The following LMBRD1 variants were observed in gnomAD, a reference collection of about 807,000 sequenced individuals.
The protein encoded by LMBRD1 is lysosomal cobalamin transport escort protein LMBD1.
In LMBRD1, 64 loss-of-function variants were observed where a neutral mutation model predicts 74.8. The ratio of observed to expected loss-of-function variants is 0.86; its 90% CI spans 0.70 to 1.05. LMBRD1 has a LOEUF of 1.05. LMBRD1 is among the 50% of genes least tolerant of loss of function. The pLI, the probability that LMBRD1 is intolerant of heterozygous loss-of-function variation, is 0.00. For missense variants in LMBRD1, 652 were observed against 645.9 expected, an observed-to-expected ratio of 1.01 and a Z score of -0.10; for synonymous variants, 204 against 216.3, an observed-to-expected ratio of 0.94 and a Z score of 0.50.
intron 2 of LMBRD1, among the ~76,000 whole-genome samples, chr6:69,788,516 A>G (rs1169228383): frequency 6.6e-6 from 1 of 152,206 alleles, no homozygotes; most frequent in Non-Finnish European, 1.5e-5. Flanking sequence ...AAAAGAAATT[A>G]AACATTTTTA....
At chr6:69,694,266 T>C (rs1272859701) in intron 14 of LMBRD1, among the ~76,000 whole-genome samples, 1 of 152,166 alleles carries the variant, frequency 6.6e-6, no homozygotes, top group East Asian at 1.9e-4. Context: ...AATGTTTCAA[T>C]ACTATTGTAA....
At chr6:69,767,613 A>G (rs2149886007) in intron 3 of LMBRD1, among the ~76,000 whole-genome samples, 1 of 151,980 alleles carries the variant, frequency 6.6e-6, no homozygotes, top group South Asian at 2.1e-4. Flanking sequence ...TTTATAACCT[A>G]TCATATAGTC....
chr6:69,697,835 A>G (rs556191671), intron 13 of LMBRD1, among the ~76,000 whole-genome samples, 194 bp from the exon 14 acceptor site: 12 of 152,224 alleles, frequency 7.9e-5, no homozygotes, highest in African/African-American at 2.9e-4. Flanking sequence ...GCTTTTTGCA[A>G]TAATCCTTTA....
chr6:69,758,505 C>G (rs1370311151), intron 3 of LMBRD1, among the ~76,000 whole-genome samples: 1 of 152,106 alleles, frequency 6.6e-6, no homozygotes, highest in Non-Finnish European at 1.5e-5. Context: ...ATGGCTTAAA[C>G]TCTAGCACCA....
chr6:69,735,626 T>C (rs1766959738), intron 7 of LMBRD1, among the ~76,000 whole-genome samples: 1 of 152,182 alleles, frequency 6.6e-6, no homozygotes, highest in South Asian at 2.1e-4. Flanking sequence ...ATAATATCAT[T>C]CCTACAAAGA....
intron 3 of LMBRD1, among the ~76,000 whole-genome samples, chr6:69,768,843 A>G (rs1243545373): frequency 6.6e-6 from 1 of 151,850 alleles, no homozygotes; most frequent in African/African-American, 2.4e-5. Flanking sequence ...GGACACAGAA[A>G]TCTTTATTTT....
At chr6:69,687,765 AT>A (rs553426885) in intron 14 of LMBRD1, among the ~76,000 whole-genome samples, 41 of 152,304 alleles carry the variant, frequency 2.7e-4, no homozygotes, top group African/African-American at 9.4e-4. Context: ...GATGACTTAT[AT>A]TAATCTTATA....
At chr6:69,719,596 A>T (rs1470091320) in intron 7 of LMBRD1, among the ~76,000 whole-genome samples, 1 of 152,164 alleles carries the variant, frequency 6.6e-6, no homozygotes, top group African/African-American at 2.4e-5. Flanking sequence ...AATATTTTCC[A>T]AGTAATTTTA....
intron 14 of LMBRD1, among the ~76,000 whole-genome samples, chr6:69,684,874 A>C (rs1765731290): frequency 6.6e-6 from 1 of 152,188 alleles, no homozygotes; most frequent in African/African-American, 2.4e-5. Flanking sequence ...AAGCTAGAAA[A>C]TATTAGGCAT....
chr6:69,718,723 C>T (rs1766547641), intron 8 of LMBRD1, among the ~76,000 whole-genome samples: 1 of 152,168 alleles, frequency 6.6e-6, no homozygotes, highest in Non-Finnish European at 1.5e-5. Context: ...AGGGTAACTG[C>T]CCCCATGACT....
intron 3 of LMBRD1, among the ~76,000 whole-genome samples, chr6:69,774,984 A>G (rs1765662525): frequency 6.7e-5 from 3 of 44,958 alleles, no homozygotes; most frequent in Non-Finnish European, 1.2e-4. Flanking sequence ...GAAGGAAGGA[A>G]GGAAGGGAGG....
chr6:69,776,333 G>C (rs1336441662), intron 3 of LMBRD1, among the ~76,000 whole-genome samples: 1 of 152,150 alleles, frequency 6.6e-6, no homozygotes, highest in Non-Finnish European at 1.5e-5. Flanking sequence ...AACTTCTTTA[G>C]GAGTTTTAAG....
chr6:69,771,972 A>C (rs1765586163), intron 3 of LMBRD1, among the ~76,000 whole-genome samples: 1 of 152,166 alleles, frequency 6.6e-6, no homozygotes, highest in Non-Finnish European at 1.5e-5. Context: ...AAATGTGAAA[A>C]AGTAAAGATT....
chr6:69,739,826 G>A (rs1767059981), intron 6 of LMBRD1, among the ~76,000 whole-genome samples: 1 of 152,118 alleles, frequency 6.6e-6, no homozygotes, highest in African/African-American at 2.4e-5. Context: ...AGGTTATATA[G>A]GCCGGGTGCA....
At chr6:69,725,208 G>A (rs564417776) in intron 7 of LMBRD1, among the ~76,000 whole-genome samples, 1 of 151,878 alleles carries the variant, frequency 6.6e-6, no homozygotes, top group South Asian at 2.1e-4. Flanking sequence ...GATGAATGAG[G>A]AAGACACCAA....
chr6:69,741,860 T>C lies in LMBRD1; in HGVS notation c.491A>G (p.Asn164Ser), dbSNP rs1301665099. 2 of 1,598,294 alleles carry C rather than the reference T, an allele frequency of 1.3e-6. No individual in the cohort carries two copies. Among genetic ancestry groups the C allele is most frequent in the Non-Finnish European group, 8.6e-7 (1 of 1,165,848 alleles). Residue 164 changes from asparagine (N) to serine (S), a missense_variant, in exon 6 of 16, where the codon AAT becomes AGT. Coordinates refer to ENST00000649934, the MANE Select transcript of LMBRD1 (RefSeq NM_018368.4). ...TGTAGAATTTTTGTTATTGGGAACA[T>C]TCAATGGAACAAAGGCACTACAAAA... is the stretch of plus-strand genomic sequence containing the variant. The part of the protein sequence containing the change: ...LLLVGAFVPL[N>S]VPNNKNSTEW...
intron 2 of LMBRD1, among the ~76,000 whole-genome samples, chr6:69,785,709 T>C (rs1325890468): frequency 6.6e-6 from 1 of 152,236 alleles, no homozygotes; most frequent in East Asian, 1.9e-4. Flanking sequence ...CCAAGTCACC[T>C]TTATCTTTTA....
chr6:69,754,151 T>TAA (rs1554239033), intron 3 of LMBRD1, among the ~76,000 whole-genome samples: 2 of 151,676 alleles, frequency 1.3e-5, no homozygotes, highest in Non-Finnish European at 2.9e-5. Flanking sequence ...AAGGGCAGAA[T>TAA]AGAGTTACTG....
intron 10 of LMBRD1, 58 bp downstream of exon 10, chr6:69,701,831 A>C (rs1209051755): frequency 8.3e-7 from 1 of 1,197,784 alleles, no homozygotes; most frequent in African/African-American, 1.5e-5. Context: ...CAGCAACAAA[A>C]TGTATATTAT....
Sources: allele counts gnomAD v4.1 joint callset (sites outside exome capture counted in the v4.1 genomes callset), GRCh38; gene constraint gnomAD v4.1.1; transcripts MANE v1.5; gene names NCBI Gene and HGNC (gene_info 2026-07-23, HGNC 2026-07-21).